Variants in VDR observed in about 807,000 individuals in gnomAD.
VDR encodes the protein vitamin D3 receptor.
Under a neutral mutation model 39.7 loss-of-function variants are expected in VDR, and 19 were observed. The ratio of observed to expected loss-of-function variants is 0.48; its 90% CI spans 0.33 to 0.70. The LOEUF (loss-of-function observed/expected upper bound fraction) is 0.70. VDR is among the 30% of genes least tolerant of loss of function. The pLI is 0.02. For synonymous variants in VDR, 242 were observed against 215.8 expected, an observed-to-expected ratio of 1.12 and a Z score of -1.07; for missense variants, 442 against 570.5, an observed-to-expected ratio of 0.77 and a Z score of 2.29.
intron 6 of VDR, 122 bp from the exon 7 acceptor site, chr12:47,855,923 A>T: frequency 8.8e-7 from 1 of 1,133,000 alleles, no homozygotes; most frequent in Non-Finnish European, 1.3e-6. Flanking sequence ...TCCCACAGTG[A>T]CTCCACAGGT....
At chr12:47,878,809 C>T (rs1164775575) in intron 3 of VDR, 159 bp downstream of exon 3, 18 of 1,133,054 alleles carry the variant, frequency 1.6e-5, no homozygotes, top group Non-Finnish European at 2.1e-5. Flanking sequence ...AAGAAGATAC[C>T]ACTCACCAAG....
rs147624327 is a variant in VDR, at chr12:47,876,830, CAG to C, written c.146+2136_146+2137del. ...GCAGCAACTACAGATGCATAGCAGT[CAG>C]AGCCACTCCAGTGAGGAACTGGCCT... On this transcript the variant is annotated intron_variant, in intron 3 of 9. Transcript: ENST00000549336. Among the ~76,000 whole-genome samples the C allele has an allele frequency of 5.0e-3, 759 of 152,334 alleles. 5 individuals are homozygous for C. The highest frequency in any genetic ancestry group is 0.017 in the African/African-American group (711 of 41,574).
intron 3 of VDR, among the ~76,000 whole-genome samples, chr12:47,868,020 C>G (rs188597178): frequency 1.3e-5 from 2 of 152,296 alleles, no homozygotes; most frequent in Middle Eastern, 3.4e-3. Flanking sequence ...CCCAAGAGAC[C>G]GTCAGTGTAA....
intron 4 of VDR, among the ~76,000 whole-genome samples, chr12:47,859,053 G>A (rs1478154956): frequency 1.3e-5 from 2 of 152,216 alleles, no homozygotes; most frequent in Non-Finnish European, 2.9e-5. Flanking sequence ...CTCCCACAGT[G>A]GGTGTCTGCA....
intron 6 of VDR, among the ~76,000 whole-genome samples, chr12:47,856,609 T>C (rs1305608429): frequency 1.8e-5 from 2 of 112,708 alleles, no homozygotes; most frequent in East Asian, 2.1e-4. Context: ...TAAATATACA[T>C]ATGTGTTTTT....
rs1592093032 is a variant in VDR at position 47,844,401 on chromosome 12, C to T, written c.*345G>A. The T allele has an allele frequency of 2.1e-6, 1 of 467,440 alleles. No individual in the cohort carries two copies. The highest frequency in any genetic ancestry group is 2.4e-5 in the South Asian group (1 of 41,594). The allele number at this position is 467,440 out of a possible 1,614,324, so 29.0% of individuals were successfully genotyped here. On this transcript the variant is annotated 3_prime_UTR_variant, in exon 10 of 10. Transcript: ENST00000549336. ...GTCCCTGAGGAATGGATGCATTTCT[C>T]CTGTCTGTTCCCTCAACATCAGTCA...
Position 47,844,736 on chromosome 12 carries a change from G to A in VDR, c.*10C>T, listed in dbSNP as rs1449488898. The A allele has an allele frequency of 6.2e-7, 1 of 1,613,916 alleles. No homozygotes were observed. The highest frequency in any genetic ancestry group is 1.7e-5 in the Admixed American group (1 of 60,016). On this transcript the variant is annotated 3_prime_UTR_variant, in exon 10 of 10. Transcript: ENST00000549336. The stretch of plus-strand genomic sequence containing the variant: ...CAGCCCCACCCAGGCACCGCCACAG[G>A]CTGTCCTAGTCAGGAGATCTCATTG...
intron 1 of VDR, among the ~76,000 whole-genome samples, chr12:47,894,406 C>T (rs896342201): frequency 1.3e-5 from 2 of 152,256 alleles, no homozygotes; most frequent in South Asian, 2.1e-4. Context: ...AATTAAAAGA[C>T]TTGTGGGTGA....
At chr12:47,871,284 TTCTCTTTC>T (rs1304221773) in intron 3 of VDR, among the ~76,000 whole-genome samples, 13 of 141,796 alleles carry the variant, frequency 9.2e-5, no homozygotes, top group South Asian at 4.5e-4. Context: ...TTCTCTTTCT[TTCTCTTTC>T]TCTTTCTTTC....
intron 9 of VDR, 90 bp from the exon 10 acceptor site, chr12:47,845,095 C>G (rs1945254463): frequency 6.3e-7 from 1 of 1,589,912 alleles, no homozygotes; most frequent in Non-Finnish European, 8.5e-7. Flanking sequence ...CACACAGACA[C>G]TCAACGGCAG....
At chr12:47,859,858 CTTCCTTCT>C (rs199541133) in intron 4 of VDR, among the ~76,000 whole-genome samples, 2,508 of 49,152 alleles carry the variant, frequency 0.051, 188 homozygotes, top group African/African-American at 0.075. Context: ...TCCTTCCTTC[CTTCCTTCT>C]TTCCTTCCTT....
intron 1 of VDR, among the ~76,000 whole-genome samples, chr12:47,891,373 G>A (rs1482001269): frequency 1.3e-5 from 2 of 152,194 alleles, no homozygotes; most frequent in Non-Finnish European, 2.9e-5. Flanking sequence ...TATTATAACT[G>A]TACCTGGCTT....
At chr12:47,888,332 C>T (rs1946300313) in intron 1 of VDR, among the ~76,000 whole-genome samples, 1 of 152,148 alleles carries the variant, frequency 6.6e-6, no homozygotes, top group Admixed American at 6.5e-5. Context: ...AACCATATCA[C>T]AGGGCTAGTG....
chr12:47,861,760 T>C (rs1262257945), intron 4 of VDR, among the ~76,000 whole-genome samples: 1 of 152,210 alleles, frequency 6.6e-6, no homozygotes, highest in Non-Finnish European at 1.5e-5. Context: ...CATTTTAAGC[T>C]CCTTGCTGAG....
intron 1 of VDR, 30 bp downstream of exon 1, chr12:47,904,925 C>T (rs1317171844): frequency 8.6e-6 from 2 of 233,360 alleles, no homozygotes; most frequent in Admixed American, 5.5e-5. Context: ...TATCCTGAGA[C>T]CCCCTTTCCC....
chr12:47,866,004 C>T (rs28416191), intron 3 of VDR, among the ~76,000 whole-genome samples: 216 of 146,992 alleles, frequency 1.5e-3, no homozygotes, highest in Admixed American at 5.2e-3. Context: ...CGTGAGCCAT[C>T]GCGCACAGCC....
intron 3 of VDR, among the ~76,000 whole-genome samples, chr12:47,875,158 C>T (rs1267159889): frequency 6.6e-6 from 1 of 152,210 alleles, no homozygotes; most frequent in Non-Finnish European, 1.5e-5. Flanking sequence ...ACCTTCTAAC[C>T]ATCATCACAC....
chr12:47,884,151 C>T (rs931443183), intron 1 of VDR, among the ~76,000 whole-genome samples: 3 of 152,152 alleles, frequency 2.0e-5, no homozygotes, highest in African/African-American at 7.2e-5. Flanking sequence ...AGGTGGGGAC[C>T]GGGTGGATGC....
rs990451371 is a variant in VDR at position 47,844,914 on chromosome 12, C to T, written c.1116G>A (p.Pro372=). The T allele has an allele frequency of 1.7e-5, 27 of 1,613,980 alleles. No individual in the cohort carries two copies. Among genetic ancestry groups the T allele is most frequent in the South Asian group, 1.5e-4 (14 of 91,084 alleles). ...TLQTYIRCRH[P]PPGSHLLYAK... Reference sequence around the variant, plus strand: ...CATAGAGCAGGTGGCTGCCCGGGGGCGGGTGGCGGCAGCGGATGTACGTCT... The same window carrying T: ...CATAGAGCAGGTGGCTGCCCGGGGGTGGGTGGCGGCAGCGGATGTACGTCT... The change falls in exon 10 of 10, where the codon CCG becomes CCA. Residue 372 remains proline (P), a synonymous_variant. Transcript: ENST00000549336.
Sources: gnomAD v4.1 joint callset for allele counts (sites outside exome capture counted in the v4.1 genomes callset) on GRCh38, gnomAD v4.1.1 for gene constraint, MANE v1.5 for transcripts, NCBI Gene and HGNC (gene_info 2026-07-23, HGNC 2026-07-21) for gene names.